KCNQ1: variants seen among roughly 807,000 people sequenced by gnomAD.
The protein encoded by KCNQ1 is potassium voltage-gated channel subfamily KQT member 1.
A neutral mutation model predicts 72.4 loss-of-function variants in KCNQ1; 49 were observed. The observed-to-expected ratio is 0.68, with a 90% CI of 0.54 to 0.86. KCNQ1 has a LOEUF of 0.86. KCNQ1 is among the 40% of genes least tolerant of loss of function. The pLI is 0.00. For missense variants in KCNQ1, 790 were observed against 945.1 expected, an observed-to-expected ratio of 0.84 and a Z score of 2.15; for synonymous variants, 450 against 412.6, an observed-to-expected ratio of 1.09 and a Z score of -1.10.
intron 14 of KCNQ1, 74 bp downstream of exon 14, chr11:2,777,106 C>T: frequency 6.9e-7 from 1 of 1,449,766 alleles, no homozygotes. Flanking sequence ...CCTCCTGGCT[C>T]TCCCCATGAT....
intron 1 of KCNQ1, among the ~76,000 whole-genome samples, chr11:2,503,182 G>A (rs1847045004): frequency 6.6e-6 from 1 of 152,130 alleles, no homozygotes; most frequent in South Asian, 2.1e-4. Flanking sequence ...ATGGACAAAT[G>A]GGATCACATC....
intron 11 of KCNQ1, among the ~76,000 whole-genome samples, chr11:2,743,963 T>C (rs1229618874): frequency 6.6e-6 from 1 of 152,194 alleles, no homozygotes; most frequent in Non-Finnish European, 1.5e-5. Context: ...GACCTGCTCC[T>C]GCCCGTTCTG....
In KCNQ1 at chr11:2,481,606, A is replaced by T. The variant is rs1846652111; in HGVS notation, c.386+36122A>T. On this transcript the variant is annotated intron_variant, in intron 1 of 15. Coordinates refer to ENST00000155840, the MANE Select transcript of KCNQ1 (RefSeq NM_000218.3). The surrounding 1 kb of genome is among the most constrained non-coding windows in gnomAD (Gnocchi z 4.6). ...AGCAAGTGAAGCTTCATCTGTATTT[A>T]CAGTCACTCCCCATCACTCGCATTA... Among the ~76,000 whole-genome samples, 1 of 152,170 alleles carries T rather than the reference A, an allele frequency of 6.6e-6. No individual in the cohort carries two copies. The highest frequency in any genetic ancestry group is 2.1e-4 in the South Asian group (1 of 4,832).
At position 2,661,919 on chromosome 11, in the gene KCNQ1, G is replaced by T. The variant is rs760716624; in HGVS notation, c.1394-42G>T. 2 of 1,613,730 alleles carry T rather than the reference G, an allele frequency of 1.2e-6. No homozygotes were observed. The highest frequency in any genetic ancestry group is 1.3e-5 in the African/African-American group (1 of 74,890). On this transcript the variant is annotated intron_variant, in intron 10 of 15. Coordinates refer to ENST00000155840, the MANE Select transcript of KCNQ1 (RefSeq NM_000218.3). This position sits in a 1 kb window ranked among gnomAD's most constrained non-coding sequence, Gnocchi z 5.9. Reference sequence around the variant, plus strand: ...CCTGGCTCCACAGCACTGGCAGGTTGGGTGGGAGGCCTAACGTGCTGTCCC... The same window carrying T: ...CCTGGCTCCACAGCACTGGCAGGTTTGGTGGGAGGCCTAACGTGCTGTCCC...
chr11:2,500,038 C>T (rs1846984587), intron 1 of KCNQ1, among the ~76,000 whole-genome samples: 1 of 152,160 alleles, frequency 6.6e-6, no homozygotes, highest in Admixed American at 6.5e-5. Context: ...TACAGACATA[C>T]ACATAGTAAT....
rs1300541541 is a variant in KCNQ1 at position 2,759,227 on chromosome 11, A to G, written c.1515-9617A>G. ...ACGTGATGTGCTTGTGTCTGCTGAC[A>G]TAAGTGCTCAAGGAAGAGTCTGGAA... On this transcript the variant is annotated intron_variant, in intron 11 of 15. Transcript: ENST00000155840. The surrounding 1 kb of genome is among the most constrained non-coding windows in gnomAD (Gnocchi z 4.4). 1.3e-5 allele frequency among the ~76,000 whole-genome samples: 2 copies of G among 152,134 alleles called. No homozygotes were observed. Among genetic ancestry groups the G allele is most frequent in the Non-Finnish European group, 2.9e-5 (2 of 68,010 alleles).
chr11:2,774,247 G>A (rs568106225), intron 12 of KCNQ1, among the ~76,000 whole-genome samples: 1 of 152,206 alleles, frequency 6.6e-6, no homozygotes, highest in African/African-American at 2.4e-5. Flanking sequence ...ACATAAGTAC[G>A]GTTTTTACGG....
At chr11:2,738,309 C>T (rs1353925571) in intron 11 of KCNQ1, among the ~76,000 whole-genome samples, 1 of 151,018 alleles carries the variant, frequency 6.6e-6, no homozygotes, top group African/African-American at 2.5e-5. Context: ...GGTGGGCAGA[C>T]GTGTTATCAT....
rs541629257 is a variant in KCNQ1, at chr11:2,588,144, C to T, written c.1251+452C>T. Among the ~76,000 whole-genome samples, 5 of 152,068 alleles carry T rather than the reference C, an allele frequency of 3.3e-5. No homozygotes were observed. The highest frequency in any genetic ancestry group is 2.0e-4 in the Admixed American group (3 of 15,288). On this transcript the variant is annotated intron_variant, in intron 9 of 15. Transcript: ENST00000155840. This position sits in a 1 kb window ranked among gnomAD's most constrained non-coding sequence, Gnocchi z 5.6. ...TCACAGGGCAGTGGAGTTTGGCAGG[C>T]GCTGGGCAGAAGTCTTGTGACATGG...
intron 11 of KCNQ1, chr11:2,675,623 C>G (rs989762177): frequency 2.5e-6 from 1 of 398,484 alleles, no homozygotes; most frequent in Non-Finnish European, 4.4e-6. Flanking sequence ...TGGAGAGCAC[C>G]CCTTATTAGA....
At chr11:2,740,768 C>T (rs1017932613) in intron 11 of KCNQ1, among the ~76,000 whole-genome samples, 3 of 152,240 alleles carry the variant, frequency 2.0e-5, no homozygotes, top group Non-Finnish European at 2.9e-5. Flanking sequence ...CCCTCAAAGG[C>T]GGCTGCGGCT....
intron 1 of KCNQ1, among the ~76,000 whole-genome samples, chr11:2,465,140 C>G (rs1846333565): frequency 6.6e-6 from 1 of 152,230 alleles, no homozygotes; most frequent in South Asian, 2.1e-4. Context: ...GGGCCACAGG[C>G]CCCTTCCCAG....
intron 2 of KCNQ1, among the ~76,000 whole-genome samples, chr11:2,533,437 G>A (rs577504621): frequency 1.8e-4 from 27 of 152,366 alleles, no homozygotes; most frequent in African/African-American, 6.5e-4. Flanking sequence ...GGGCTGCAAA[G>A]AGGGCCCCAA....
At chr11:2,793,390 C>G (rs938590402) in intron 15 of KCNQ1, among the ~76,000 whole-genome samples, 1 of 129,778 alleles carries the variant, frequency 7.7e-6, no homozygotes, top group Non-Finnish European at 1.7e-5. Context: ...GAGGCCAAGA[C>G]GGGGGGATGG....
In KCNQ1 at chr11:2,536,692, G is replaced by GGTTGGAGAGTAGTGGCATACT. The variant is rs1847736849; in HGVS notation, c.477+8674_477+8675insGTTGGAGAGTAGTGGCATACT. Among the ~76,000 whole-genome samples the GGTTGGAGAGTAGTGGCATACT allele has an allele frequency of 6.6e-6, 1 of 152,172 alleles. No individual in the cohort carries two copies. Among genetic ancestry groups the GGTTGGAGAGTAGTGGCATACT allele is most frequent in the African/African-American group, 2.4e-5 (1 of 41,420 alleles). ...ACACAGGGCGTGGCTCTCCCTCCCA[G>GGTTGGAGAGTAGTGGCATACT]CCTGCCAGAGGGACCGCTGGGCCTA... is the stretch of plus-strand genomic sequence containing the variant. On this transcript the variant is annotated intron_variant, in intron 2 of 15. Coordinates refer to ENST00000155840, the MANE Select transcript of KCNQ1 (RefSeq NM_000218.3). This position sits in a 1 kb window ranked among gnomAD's most constrained non-coding sequence, Gnocchi z 7.4.
At chr11:2,795,926 A>G (rs2134015602) in intron 15 of KCNQ1, among the ~76,000 whole-genome samples, 1 of 152,192 alleles carries the variant, frequency 6.6e-6, no homozygotes, top group Non-Finnish European at 1.5e-5. Flanking sequence ...GGGCTTGGAG[A>G]TGGAGGCCCC....
chr11:2,573,248 G>A (rs560821164), intron 6 of KCNQ1, among the ~76,000 whole-genome samples: 2 of 152,192 alleles, frequency 1.3e-5, no homozygotes, highest in African/African-American at 4.8e-5. Flanking sequence ...AATCGGAGGG[G>A]TCACTGGAGC....
At chr11:2,548,444 C>T (rs1366337620) in intron 2 of KCNQ1, among the ~76,000 whole-genome samples, 2 of 152,204 alleles carry the variant, frequency 1.3e-5, no homozygotes, top group African/African-American at 4.8e-5. Flanking sequence ...TCATAGCGAA[C>T]AAAGAAAAAT....
rs887831827 is a variant in KCNQ1 at position 2,720,303 on chromosome 11, C to T, written c.1515-48541C>T. Reference sequence around the variant, plus strand: ...GCTTGAGTGTCCTGGCAGCTCTCCTCATCCATCCTATGTGTACACTCAGGC... The same window carrying T: ...GCTTGAGTGTCCTGGCAGCTCTCCTTATCCATCCTATGTGTACACTCAGGC... On this transcript the variant is annotated intron_variant, in intron 11 of 15. Transcript: ENST00000155840. This position sits in a 1 kb window ranked among gnomAD's most constrained non-coding sequence, Gnocchi z 5.1. 1.3e-5 allele frequency among the ~76,000 whole-genome samples: 2 copies of T among 152,194 alleles called. No homozygotes were observed. The highest frequency in any genetic ancestry group is 4.8e-5 in the African/African-American group (2 of 41,452).
Sources: allele counts gnomAD v4.1 joint callset (sites outside exome capture counted in the v4.1 genomes callset), GRCh38; gene constraint gnomAD v4.1.1; non-coding constraint Gnocchi (gnomAD v3.1); transcripts MANE v1.5; gene names NCBI Gene and HGNC (gene_info 2026-07-23, HGNC 2026-07-21).